The following ARFGEF2 variants were observed in gnomAD, a reference collection of about 807,000 sequenced individuals.
The protein encoded by ARFGEF2 is brefeldin A-inhibited guanine nucleotide-exchange protein 2.
Under a neutral mutation model 219.9 loss-of-function variants are expected in ARFGEF2, and 74 were observed. The ratio of observed to expected loss-of-function variants is 0.34; its 90% CI spans 0.28 to 0.41. The LOEUF (loss-of-function observed/expected upper bound fraction) is 0.41, where lower values mean the gene tolerates loss of function less well. Ranked by LOEUF, ARFGEF2 falls within the 10% of genes least tolerant of loss-of-function variation. The probability of loss-of-function intolerance (pLI) is 1.00; values close to 1 mark genes in which losing one functional copy is unlikely to be tolerated. For synonymous variants in ARFGEF2, 733 were observed against 799.2 expected (o/e 0.92, Z 1.40); for missense variants, 1,743 against 2,218.3 (o/e 0.79, Z 4.30).
At chr20:49,002,436 A>G (rs2091430831) in intron 25 of ARFGEF2, among the ~76,000 whole-genome samples, 1 of 152,062 alleles carries the variant, frequency 6.6e-6, no homozygotes, top group Non-Finnish European at 1.5e-5. Context: ...GGCAACCACC[A>G]TTCTACTCTG....
At chr20:49,023,632 G>C (rs1310447329) in intron 35 of ARFGEF2, among the ~76,000 whole-genome samples, 1 of 149,980 alleles carries the variant, frequency 6.7e-6, no homozygotes, top group East Asian at 2.0e-4. Context: ...TCCGCCTCCT[G>C]GGTTCACGCC....
intron 6 of ARFGEF2, among the ~76,000 whole-genome samples, chr20:48,954,013 T>A (rs1488873782): frequency 3.3e-5 from 5 of 152,244 alleles, no homozygotes; most frequent in Non-Finnish European, 7.3e-5. Flanking sequence ...AGTACTGGGA[T>A]GTATCTAGCT....
intron 21 of ARFGEF2, among the ~76,000 whole-genome samples, chr20:48,991,491 G>A (rs1245010566): frequency 7.1e-6 from 1 of 140,006 alleles, no homozygotes; most frequent in Non-Finnish European, 1.5e-5. Flanking sequence ...TAGTCCTTAT[G>A]TACCTCTTGG....
chr20:48,955,129 C>T (rs1309589518), intron 6 of ARFGEF2, among the ~76,000 whole-genome samples: 1 of 152,158 alleles, frequency 6.6e-6, no homozygotes, highest in Admixed American at 6.5e-5. Context: ...ATTCCCCATC[C>T]TGTGCCATTC....
Position 49,000,928 on chromosome 20 carries a change from C to A in ARFGEF2, c.3432+2423C>A, listed in dbSNP as rs117221016. Among the ~76,000 whole-genome samples, 817 of 152,186 alleles carry A rather than the reference C, an allele frequency of 5.4e-3. 3 individuals carry two copies. Among genetic ancestry groups the A allele is most frequent in the Non-Finnish European group, 8.6e-3 (585 of 68,014 alleles). ...ATTCTCAGTATGTATGGACCACTTA[C>A]AGGCAAGGTTGGGACATAGGGTGGC... On this transcript the variant is annotated intron_variant, in intron 25 of 38. Transcript: ENST00000371917.
intron 1 of ARFGEF2, among the ~76,000 whole-genome samples, chr20:48,934,601 G>C (rs953992866): frequency 6.6e-6 from 1 of 152,112 alleles, no homozygotes; most frequent in Admixed American, 6.6e-5. Flanking sequence ...GAGAACATGT[G>C]GTGTTTGGTT....
intron 6 of ARFGEF2, among the ~76,000 whole-genome samples, chr20:48,960,109 T>C (rs144997407): frequency 4.6e-5 from 7 of 152,336 alleles, no homozygotes; most frequent in South Asian, 2.1e-4. Context: ...AAGAATATTA[T>C]GGGTATACTT....
chr20:49,008,207 C>T (rs189794445), intron 26 of ARFGEF2, among the ~76,000 whole-genome samples: 10 of 152,178 alleles, frequency 6.6e-5, no homozygotes, highest in Admixed American at 6.5e-4. Flanking sequence ...TCTAAATAAA[C>T]AAGTGTTAAA....
intron 14 of ARFGEF2, among the ~76,000 whole-genome samples, chr20:48,978,469 A>G (rs2091276122): frequency 6.6e-6 from 1 of 152,168 alleles, no homozygotes; most frequent in African/African-American, 2.4e-5. Flanking sequence ...TTTCGGTTCC[A>G]TATGAACTTT....
intron 34 of ARFGEF2, among the ~76,000 whole-genome samples, 182 bp downstream of exon 34, chr20:49,019,180 G>A (rs1304656327): frequency 6.6e-6 from 1 of 152,124 alleles, no homozygotes; most frequent in Non-Finnish European, 1.5e-5. Flanking sequence ...TTATCCATGT[G>A]CAGGCAAGTA....
intron 11 of ARFGEF2, among the ~76,000 whole-genome samples, chr20:48,972,649 A>G (rs2091235626): frequency 6.6e-6 from 1 of 152,202 alleles, no homozygotes; most frequent in African/African-American, 2.4e-5. Context: ...CATGTCCCAG[A>G]AACCCCCTAA....
At chr20:48,995,745 T>G in intron 22 of ARFGEF2, 38 bp from the exon 23 acceptor site, 1 of 1,569,728 alleles carries the variant, frequency 6.4e-7, no homozygotes, top group Non-Finnish European at 8.8e-7. Context: ...TACTTGACTG[T>G]TTTTGAAGTA....
At chr20:48,974,410 C>G (rs1332364752) in intron 12 of ARFGEF2, among the ~76,000 whole-genome samples, 4 of 151,944 alleles carry the variant, frequency 2.6e-5, no homozygotes, top group Admixed American at 2.6e-4. Flanking sequence ...CAGCGCCTGC[C>G]CAAGATCTTG....
chr20:48,935,629 G>GC (rs2090943635), intron 1 of ARFGEF2, among the ~76,000 whole-genome samples: 1 of 151,920 alleles, frequency 6.6e-6, no homozygotes, highest in Admixed American at 6.5e-5. Context: ...AGACGGGGTG[G>GC]TGGCCGGGCA....
chr20:48,987,378 C>G (rs2091332591), intron 16 of ARFGEF2, among the ~76,000 whole-genome samples: 1 of 152,194 alleles, frequency 6.6e-6, no homozygotes, highest in East Asian at 1.9e-4. Context: ...AGCTGTACAT[C>G]CACATGTTGT....
At position 48,988,691 on chromosome 20, in the gene ARFGEF2, T is replaced by C. The variant is rs189810884; in HGVS notation, c.2533+29T>C. 578 of 1,605,434 alleles carry C rather than the reference T, an allele frequency of 3.6e-4. 1 individual carries two copies. The African/African-American group carries it at 7.0e-3, about 20-fold the overall frequency. ...AGGTCTAATGGCAAATTATTTCTTT[T>C]AGTTCTAATTTTTTAGTGTATCAGA... On this transcript the variant is annotated intron_variant, in intron 18 of 38. Transcript: ENST00000371917.
chr20:49,035,898 C>A lies in ARFGEF2; in HGVS notation c.*2699C>A, dbSNP rs1018765365. ...GTCAAATATATCTTTTCCCTGTACTCCTCATGTACAACCAAAGAACATACA... is the reference window on the plus strand; with the variant it reads ...GTCAAATATATCTTTTCCCTGTACTACTCATGTACAACCAAAGAACATACA... On this transcript the variant is annotated 3_prime_UTR_variant, in exon 39 of 39. Transcript: ENST00000371917. 6 of 337,000 alleles carry A rather than the reference C, an allele frequency of 1.8e-5. No individual in the cohort carries two copies. The highest frequency in any genetic ancestry group is 4.2e-5 in the African/African-American group (2 of 47,078). 20.9% of individuals were successfully genotyped at this position (337,000 alleles called of 1,614,324 possible). A position where few individuals can be genotyped will look rare whatever the true frequency, so the allele number is the denominator to read the frequency against.
intron 14 of ARFGEF2, 57 bp from the exon 15 acceptor site, chr20:48,984,672 T>C (rs2091316372): frequency 6.2e-7 from 1 of 1,603,180 alleles, no homozygotes; most frequent in African/African-American, 1.3e-5. Context: ...ATACCAGCTT[T>C]TGCTATCCTC....
chr20:48,953,815 T>C (rs1300449713), intron 6 of ARFGEF2, 25 bp downstream of exon 6: 2 of 1,604,046 alleles, frequency 1.2e-6, no homozygotes, highest in Non-Finnish European at 8.5e-7. Context: ...GGTATGGCTC[T>C]TTTTCCAAGT....
Sources: gnomAD v4.1 joint callset for allele counts (sites outside exome capture counted in the v4.1 genomes callset) on GRCh38, gnomAD v4.1.1 for gene constraint, MANE v1.5 for transcripts, NCBI Gene and HGNC (gene_info 2026-07-23, HGNC 2026-07-21) for gene names.